Variants in ULBP3 observed in about 807,000 individuals in gnomAD.
ULBP3 encodes UL16-binding protein 3.
Under a neutral mutation model 24.9 loss-of-function variants are expected in ULBP3, and 25 were observed. The ratio of observed to expected loss-of-function variants is 1.00; its 90% CI spans 0.73 to 1.40. ULBP3 has a LOEUF of 1.40. ULBP3 is among the 40% of genes most tolerant of loss of function. ULBP3 has a pLI of 0.00. For synonymous variants in ULBP3, 114 were observed against 114.7 expected (o/e 0.99, Z 0.04); for missense variants, 306 against 307.5 (o/e 1.00, Z 0.04).
chr6:150,068,117 G>A (rs914420526), intron 1 of ULBP3, among the ~76,000 whole-genome samples: 5 of 152,126 alleles, frequency 3.3e-5, no homozygotes, highest in Non-Finnish European at 7.4e-5. Flanking sequence ...AGTTGGCTCT[G>A]ATCCCCAGGA....
Position 150,063,303 on chromosome 6 carries a change from A to T in ULBP3, c.*71T>A. On this transcript the variant is annotated 3_prime_UTR_variant, in exon 5 of 5. Transcript: ENST00000367339. The stretch of plus-strand genomic sequence containing the variant: ...AGACAGGCGGCCTCCCTGAAGGGAG[A>T]GCAGGAACCAGACCAGGCTAACAGA... The T allele has an allele frequency of 1.0e-6, 1 of 965,392 alleles. No homozygotes were observed. The highest frequency in any genetic ancestry group is 1.2e-6 in the Non-Finnish European group (1 of 811,706). The allele number at this position is 965,392 out of a possible 1,614,324, so 59.8% of individuals were successfully genotyped here.
chr6:150,065,656 C>T lies in ULBP3; in HGVS notation c.370G>A (p.Val124Ile). 1 of 1,614,210 alleles carries T rather than the reference C, an allele frequency of 6.2e-7. No individual in the cohort carries two copies. Among genetic ancestry groups the T allele is most frequent in the Non-Finnish European group, 8.5e-7 (1 of 1,180,020 alleles). Reference sequence around the variant, plus strand: ...GCTTCACACTCACAAGACATCCTGACCTGCAGCGTGAGGGGTCCTGCCCCA... The same window carrying T: ...GCTTCACACTCACAAGACATCCTGATCTGCAGCGTGAGGGGTCCTGCCCCA... ...FTPSGPLTLQVRMSCECEADG... is the reference protein window; with the variant it reads ...FTPSGPLTLQIRMSCECEADG... Residue 124 changes from valine (V) to isoleucine (I), a missense_variant, in exon 3 of 5, where the codon GTC (valine) becomes ATC (isoleucine). Val to Ile is a conservative substitution (Grantham distance 29). Coordinates refer to ENST00000367339, the MANE Select transcript of ULBP3 (RefSeq NM_024518.3).
In ULBP3 at chr6:150,064,708, G is replaced by A. The variant is rs1179674087; in HGVS notation, c.634C>T (p.Pro212Ser). The A allele has an allele frequency of 6.2e-7, 1 of 1,614,006 alleles. No individual in the cohort carries two copies. Among genetic ancestry groups the A allele is most frequent in the Admixed American group, 1.7e-5 (1 of 60,016 alleles). Residue 212 changes from proline (P) to serine (S), a missense_variant, in exon 4 of 5, where the codon CCC becomes TCC. Transcript: ENST00000367339. The stretch of plus-strand genomic sequence containing the variant: ...TGAGCTAAGCCTGGGGCCATGGTGG[G>A]TGGTGCTGAAAGGGAAACACAAAAG... The part of the protein sequence containing the change: ...RKKRLEPTAP[P>S]TMAPGLAQPK...
rs1057287712 is a variant in ULBP3, at chr6:150,062,794, T to C, written c.*580A>G. Among the ~76,000 whole-genome samples, 2 of 147,480 alleles carry C rather than the reference T, an allele frequency of 1.4e-5. No individual in the cohort carries two copies. The highest frequency in any genetic ancestry group is 3.0e-5 in the Non-Finnish European group (2 of 66,336). Reference sequence around the variant, plus strand: ...TCCATCCATTAGCACCGAGAGAAAGTGGCAGAAGGTGTTAAGAAAAATGGC... The same window carrying C: ...TCCATCCATTAGCACCGAGAGAAAGCGGCAGAAGGTGTTAAGAAAAATGGC... On this transcript the variant is annotated 3_prime_UTR_variant, in exon 5 of 5. Transcript: ENST00000367339.
chr6:150,068,314 C>T (rs1207945790), intron 1 of ULBP3, among the ~76,000 whole-genome samples: 1 of 152,196 alleles, frequency 6.6e-6, no homozygotes, highest in Non-Finnish European at 1.5e-5. Context: ...CAGGGTAGGA[C>T]ACACTTGTGA....
intron 1 of ULBP3, 149 bp from the exon 2 acceptor site, chr6:150,066,311 T>TG: frequency 1.1e-6 from 1 of 905,220 alleles, no homozygotes; most frequent in Non-Finnish European, 1.6e-6. Flanking sequence ...GGAGGAACCA[T>TG]GGGTCGCTAA....
At chr6:150,068,835 G>A in intron 1 of ULBP3, 144 bp downstream of exon 1, 1 of 841,172 alleles carries the variant, frequency 1.2e-6, no homozygotes, top group Non-Finnish European at 1.7e-6. Context: ...GCGAAAAAGA[G>A]CAGCGAATCG....
At position 150,068,915 on chromosome 6, in the gene ULBP3, C is replaced by G; in HGVS notation, c.88+64G>C. 4.0e-6 allele frequency: 6 copies of G among 1,484,254 alleles called. No individual in the cohort carries two copies. The South Asian group carries it at 6.6e-5, about 16-fold the overall frequency. 91.9% of individuals were successfully genotyped at this position (1,484,254 alleles called of 1,614,324 possible). A position where few individuals can be genotyped will look rare whatever the true frequency, so the allele number is the denominator to read the frequency against. On this transcript the variant is annotated intron_variant, in intron 1 of 4. Coordinates refer to ENST00000367339, the MANE Select transcript of ULBP3 (RefSeq NM_024518.3). ...TAGAAGGCTTCCCTCCTCTGAAACC[C>G]GCTGCAGTCCACAGCCCCCCAGGTT... is the stretch of plus-strand genomic sequence containing the variant.
At chr6:150,065,806 T>C (rs1776337512) in intron 2 of ULBP3, 93 bp downstream of exon 2, 5 of 1,580,632 alleles carry the variant, frequency 3.2e-6, no homozygotes, top group Non-Finnish European at 4.3e-6. Context: ...CTGGGCTTCA[T>C]GGAGGTCCCA....
chr6:150,067,338 G>A (rs998997030), intron 1 of ULBP3, among the ~76,000 whole-genome samples: 1 of 152,176 alleles, frequency 6.6e-6, no homozygotes, highest in East Asian at 1.9e-4. Context: ...CCCCCACAGA[G>A]CCAGATGGGT....
chr6:150,068,929 GC>G (rs1776388140), intron 1 of ULBP3, 49 bp downstream of exon 1: 7 of 1,534,316 alleles, frequency 4.6e-6, no homozygotes, highest in Non-Finnish European at 5.3e-6. Context: ...GCAGTCCACA[GC>G]CCCCCAGGTT....
At chr6:150,064,952 T>G (rs545273565) in intron 3 of ULBP3, among the ~76,000 whole-genome samples, 7 of 150,884 alleles carry the variant, frequency 4.6e-5, no homozygotes, top group Non-Finnish European at 7.4e-5. Flanking sequence ...CCTCCTGCTG[T>G]GGCGGAAGAG....
chr6:150,063,429 C>G, intron 4 of ULBP3, 78 bp from the exon 5 acceptor site: 1 of 742,178 alleles, frequency 1.3e-6, no homozygotes, highest in Non-Finnish European at 1.6e-6. Flanking sequence ...CTTCCCAGGC[C>G]CTCCCCATTT....
At position 150,064,682 on chromosome 6, in the gene ULBP3, T is replaced by C; in HGVS notation, c.660A>G (p.Gln220=). The C allele has an allele frequency of 6.2e-7, 1 of 1,614,048 alleles. No homozygotes were observed. The highest frequency in any genetic ancestry group is 1.3e-5 in the African/African-American group (1 of 75,000). ...APPTMAPGLA[Q]PKAIATTLSP... The stretch of plus-strand genomic sequence containing the variant: ...TGAGGGTGGTGGCTATGGCTTTGGG[T>C]TGAGCTAAGCCTGGGGCCATGGTGG... The change falls in exon 4 of 5, where the codon CAA becomes CAG. Residue 220 remains glutamine, a synonymous_variant. Coordinates refer to ENST00000367339, the MANE Select transcript of ULBP3 (RefSeq NM_024518.3).
rs61195794 is a variant in ULBP3 at position 150,063,124 on chromosome 6, CAA to C, written c.*248_*249del. On this transcript the variant is annotated 3_prime_UTR_variant, in exon 5 of 5. Transcript: ENST00000367339. ...ACTCCGTCTCAAAAAAAAAAAAAAACAAAAAAAAAAAAAGAAAAATGGCTGCT... is the reference window on the plus strand; with the variant it reads ...ACTCCGTCTCAAAAAAAAAAAAAAACAAAAAAAAAAAGAAAAATGGCTGCT... 9.3e-5 allele frequency: 8 copies of C among 85,986 alleles called. No individual in the cohort carries two copies. The highest frequency in any genetic ancestry group is 1.3e-4 in the Admixed American group (1 of 7,580). 5.3% of individuals were successfully genotyped at this position (85,986 alleles called of 1,614,324 possible).
intron 1 of ULBP3, 152 bp downstream of exon 1, chr6:150,068,827 G>GAA (rs1399290915): frequency 2.4e-6 from 2 of 825,760 alleles, no homozygotes; most frequent in East Asian, 6.2e-5. Flanking sequence ...CGGACCTGGC[G>GAA]AAAAAGAGCA....
At chr6:150,068,936 A>C in intron 1 of ULBP3, 43 bp downstream of exon 1, 1 of 1,547,914 alleles carries the variant, frequency 6.5e-7, no homozygotes, top group Non-Finnish European at 8.8e-7. Flanking sequence ...ACAGCCCCCC[A>C]GGTTTGGCCC....
intron 3 of ULBP3, 138 bp downstream of exon 3, chr6:150,065,260 C>T (rs761922672): frequency 5.5e-5 from 69 of 1,245,040 alleles, no homozygotes; most frequent in Non-Finnish European, 7.5e-5. Flanking sequence ...CACTCAAACA[C>T]ACACTCACAC....
chr6:150,062,928 C>A lies in ULBP3; in HGVS notation c.*446G>T, dbSNP rs891814839. 6.6e-6 allele frequency among the ~76,000 whole-genome samples: 1 copy of A among 151,534 alleles called. No individual in the cohort carries two copies. Among genetic ancestry groups the A allele is most frequent in the Admixed American group, 6.6e-5 (1 of 15,232 alleles). On this transcript the variant is annotated 3_prime_UTR_variant, in exon 5 of 5. Transcript: ENST00000367339. ...CCATCCTGGCTAACAAGGTGAAACC[C>A]TGTCTCTACTAAAAATACAAAAAAT...
Sources: allele counts gnomAD v4.1 joint callset (sites outside exome capture counted in the v4.1 genomes callset), GRCh38; gene constraint gnomAD v4.1.1; transcripts MANE v1.5; gene names NCBI Gene and HGNC (gene_info 2026-07-23, HGNC 2026-07-21).